Variants in ANP32B observed in about 807,000 individuals in gnomAD.
ANP32B encodes the protein acidic nuclear phosphoprotein 32 family member B.
ANP32B carries 6 observed loss-of-function variants against 32.2 expected under a neutral mutation model. The observed-to-expected ratio is 0.19, with a 90% CI of 0.10 to 0.37. The LOEUF (loss-of-function observed/expected upper bound fraction) is 0.37. ANP32B is among the 10% of genes least tolerant of loss of function. ANP32B has a pLI of 1.00. For missense variants in ANP32B, 204 were observed against 289.2 expected (o/e 0.71, Z 2.14); for synonymous variants, 98 against 105.8 (o/e 0.93, Z 0.45).
chr9:98,013,224 T>C lies in ANP32B; in HGVS notation c.688+752T>C, dbSNP rs149859981. ...TTTTAGTAGAGACAGGGTTTTGCCA[T>C]GTTGGCCAGCCTGGTCTTGAATTCC... On this transcript the variant is annotated intron_variant, in intron 6 of 6. Coordinates refer to ENST00000339399, the MANE Select transcript of ANP32B (RefSeq NM_006401.3). Among the ~76,000 whole-genome samples the C allele has an allele frequency of 3.2e-3, 489 of 152,334 alleles. 4 individuals carry two copies. The highest frequency in any genetic ancestry group is 0.011 in the African/African-American group (469 of 41,584).
chr9:97,991,121 C>G (rs2131582480), intron 1 of ANP32B, among the ~76,000 whole-genome samples: 1 of 142,766 alleles, frequency 7.0e-6, no homozygotes, highest in South Asian at 2.7e-4. Context: ...CCGTGCCCAG[C>G]CAAACTTTTT....
intron 3 of ANP32B, among the ~76,000 whole-genome samples, chr9:98,002,963 G>A (rs1015618206): frequency 1.3e-5 from 2 of 152,158 alleles, no homozygotes; most frequent in Non-Finnish European, 2.9e-5. Context: ...AGCTGGCATC[G>A]AGTCAGCCTT....
At chr9:97,993,283 A>G (rs918992440) in intron 1 of ANP32B, among the ~76,000 whole-genome samples, 3 of 152,170 alleles carry the variant, frequency 2.0e-5, no homozygotes, top group Non-Finnish European at 4.4e-5. Context: ...GTGGTGGTAA[A>G]AAGAATAAAT....
At chr9:98,008,222 C>T (rs971786536) in intron 4 of ANP32B, among the ~76,000 whole-genome samples, 14 of 152,086 alleles carry the variant, frequency 9.2e-5, no homozygotes, top group African/African-American at 2.4e-4. Context: ...TGAGAACATA[C>T]GATACTTAGT....
chr9:97,998,347 C>T (rs1827937106), intron 2 of ANP32B, among the ~76,000 whole-genome samples: 1 of 152,196 alleles, frequency 6.6e-6, no homozygotes, highest in Non-Finnish European at 1.5e-5. Flanking sequence ...TTATTAGCAG[C>T]TGATTAGGAA....
chr9:97,986,377 TGA>T (rs1462810500), intron 1 of ANP32B, among the ~76,000 whole-genome samples: 1 of 152,136 alleles, frequency 6.6e-6, no homozygotes, highest in African/African-American at 2.4e-5. Context: ...GATGAGGCCT[TGA>T]GAGAGTGTTG....
chr9:98,000,005 G>A (rs1827963579), intron 3 of ANP32B, among the ~76,000 whole-genome samples: 1 of 152,226 alleles, frequency 6.6e-6, no homozygotes, highest in Non-Finnish European at 1.5e-5. Flanking sequence ...GTTGATACTT[G>A]AGGGGAAGAC....
chr9:97,983,997 C>T (rs902508367), intron 1 of ANP32B, among the ~76,000 whole-genome samples: 3 of 150,082 alleles, frequency 2.0e-5, no homozygotes, highest in South Asian at 2.1e-4. Flanking sequence ...CCCGGCCTGC[C>T]GAGGAGCTGC....
intron 6 of ANP32B, among the ~76,000 whole-genome samples, chr9:98,013,116 C>T (rs1564142483): frequency 6.6e-6 from 1 of 152,078 alleles, no homozygotes; most frequent in Non-Finnish European, 1.5e-5. Flanking sequence ...CTCCACCTCC[C>T]AGGTTCAAGG....
intron 1 of ANP32B, among the ~76,000 whole-genome samples, chr9:97,988,788 T>C (rs553644465): frequency 6.6e-6 from 1 of 152,276 alleles, no homozygotes; most frequent in Non-Finnish European, 1.5e-5. Flanking sequence ...AAATAATGGG[T>C]AGAAGATTTG....
At chr9:97,997,421 T>C (rs894999938) in intron 2 of ANP32B, among the ~76,000 whole-genome samples, 3 of 152,258 alleles carry the variant, frequency 2.0e-5, no homozygotes, top group African/African-American at 7.2e-5. Context: ...TTTCATTGCA[T>C]GGCAAAAACT....
chr9:97,994,602 G>C (rs1827876612), intron 1 of ANP32B, 29 bp from the exon 2 acceptor site: 1 of 1,549,422 alleles, frequency 6.5e-7, no homozygotes, highest in East Asian at 2.3e-5. Flanking sequence ...GTTTTTGAGA[G>C]CTTATCCTTT....
At chr9:98,013,116 C>G (rs1564142483) in intron 6 of ANP32B, among the ~76,000 whole-genome samples, 1 of 152,078 alleles carries the variant, frequency 6.6e-6, no homozygotes, top group Non-Finnish European at 1.5e-5. Flanking sequence ...CTCCACCTCC[C>G]AGGTTCAAGG....
intron 4 of ANP32B, among the ~76,000 whole-genome samples, chr9:98,007,619 G>A (rs1231221503): frequency 6.6e-6 from 1 of 152,218 alleles, no homozygotes; most frequent in Non-Finnish European, 1.5e-5. Flanking sequence ...GTCATTTTGT[G>A]TCGTATATGC....
At position 97,998,621 on chromosome 9, in the gene ANP32B, C is replaced by T. The variant is rs1827942052; in HGVS notation, c.270C>T (p.Leu90=). ...TGTTAGCTGAAAAACTTCCAAATCT[C>T]ACACATCTAAACTTAAGTGGAAATA... is the stretch of plus-strand genomic sequence containing the variant. ...LDMLAEKLPN[L]THLNLSGNKL... Residue 90 remains leucine (L), a synonymous_variant, in exon 3 of 7, where the codon CTC becomes CTT. Coordinates refer to ENST00000339399, the MANE Select transcript of ANP32B (RefSeq NM_006401.3). 1.9e-6 allele frequency: 3 copies of T among 1,612,546 alleles called. No homozygotes were observed. Among genetic ancestry groups the T allele is most frequent in the Non-Finnish European group, 2.5e-6 (3 of 1,179,446 alleles).
At chr9:97,985,608 GAAGT>G (rs1827713190) in intron 1 of ANP32B, among the ~76,000 whole-genome samples, 2 of 152,314 alleles carry the variant, frequency 1.3e-5, no homozygotes, top group Admixed American at 1.3e-4. Context: ...GCCCGCAAGA[GAAGT>G]ACACACGTGG....
rs149046388 is a variant in ANP32B at position 98,003,384 on chromosome 9, T to C, written c.328-1580T>C. Among the ~76,000 whole-genome samples the C allele has an allele frequency of 2.0e-3, 306 of 152,278 alleles. 4 individuals are homozygous for C. The highest frequency in any genetic ancestry group is 1.0e-3 in the Non-Finnish European group (69 of 68,016). On this transcript the variant is annotated intron_variant, in intron 3 of 6. Transcript: ENST00000339399. ...TTTTCTCTAAGGGCCAAATAGTAGG[T>C]TCATTTGGCTTTGTAGCCTGTTTAT...
intron 4 of ANP32B, among the ~76,000 whole-genome samples, chr9:98,006,330 G>A (rs535228184): frequency 6.6e-6 from 1 of 152,250 alleles, no homozygotes; most frequent in African/African-American, 2.4e-5. Flanking sequence ...CTGGTGACAG[G>A]CTTTAAGTCA....
intron 4 of ANP32B, among the ~76,000 whole-genome samples, chr9:98,007,934 G>A (rs889189893): frequency 1.3e-5 from 2 of 152,172 alleles, no homozygotes; most frequent in African/African-American, 4.8e-5. Context: ...TGAGTTAAGA[G>A]GCCTGCTCCA....
Sources: allele counts gnomAD v4.1 joint callset (sites outside exome capture counted in the v4.1 genomes callset), GRCh38; gene constraint gnomAD v4.1.1; transcripts MANE v1.5; gene names NCBI Gene and HGNC (gene_info 2026-07-23, HGNC 2026-07-21).